Variants in EYS observed in about 807,000 individuals in gnomAD.
The protein encoded by EYS is EGF-like photoreceptor maintenance factor.
Under a neutral mutation model 282.1 loss-of-function variants are expected in EYS, and 250 were observed. The ratio of observed to expected loss-of-function variants is 0.89; its 90% CI spans 0.80 to 0.98. The LOEUF (loss-of-function observed/expected upper bound fraction) is 0.98, where lower values mean the gene tolerates loss of function less well. EYS is among the 50% of genes least tolerant of loss of function. The probability of loss-of-function intolerance (pLI) is 0.00; values close to 1 mark genes in which losing one functional copy is unlikely to be tolerated. For synonymous variants in EYS, 1,355 were observed against 1,282.9 expected, an observed-to-expected ratio of 1.06 and a Z score of -1.20; for missense variants, 4,016 against 3,709.0, an observed-to-expected ratio of 1.08 and a Z score of -2.15.
chr6:64,594,338 A>G (rs1766506637), intron 24 of EYS, among the ~76,000 whole-genome samples: 1 of 152,148 alleles, frequency 6.6e-6, no homozygotes, highest in South Asian at 2.1e-4. Context: ...GCTGCAATAA[A>G]CATACGTGTG....
intron 1 of EYS, among the ~76,000 whole-genome samples, chr6:65,704,733 A>G (rs1467875317): frequency 1.3e-5 from 2 of 152,202 alleles, no homozygotes; most frequent in African/African-American, 4.8e-5. Flanking sequence ...TATTTTGATC[A>G]TTAGAAAATG....
chr6:64,413,250 G>C (rs995578038), intron 28 of EYS, among the ~76,000 whole-genome samples: 5 of 152,028 alleles, frequency 3.3e-5, no homozygotes, highest in African/African-American at 1.2e-4. Context: ...GCCTTCTACA[G>C]AGCTCCAAGA....
In EYS at chr6:64,686,868, C is replaced by CACACACATATATAT. The variant is rs1394806901; in HGVS notation, c.3444-60624_3444-60623insATATATATGTGTGT. On this transcript the variant is annotated intron_variant, in intron 22 of 42. Coordinates refer to ENST00000503581, the MANE Select transcript of EYS (RefSeq NM_001142800.2). ...ATATATATATATGTGTATATATATA[C>CACACACATATATAT]GTGTATATATATATACACACACATA... 8.7e-5 allele frequency among the ~76,000 whole-genome samples: 7 copies of CACACACATATATAT among 80,286 alleles called. 1 individual carries two copies. The highest frequency in any genetic ancestry group is 4.0e-4 in the African/African-American group (7 of 17,576). The allele number at this position is 80,286 out of a possible 152,430, so 52.7% of individuals were successfully genotyped here.
chr6:65,143,289 G>C (rs1046867526), intron 12 of EYS, among the ~76,000 whole-genome samples: 1 of 151,430 alleles, frequency 6.6e-6, no homozygotes, highest in African/African-American at 2.4e-5. Flanking sequence ...ACAGGATATA[G>C]TATATTACTG....
At position 63,957,655 on chromosome 6, in the gene EYS, G is replaced by T. The variant is rs1765882120; in HGVS notation, c.7055+26728C>A. ...AATCTGAAAAATCATTTATGCTACA[G>T]CGCCTAAAAGTTAAAGAAAAATCCT... On this transcript the variant is annotated intron_variant, in intron 35 of 42. Coordinates refer to ENST00000503581, the MANE Select transcript of EYS (RefSeq NM_001142800.2). 1.4e-5 allele frequency among the ~76,000 whole-genome samples: 2 copies of T among 140,362 alleles called. 1 individual carries two copies. The highest frequency in any genetic ancestry group is 3.2e-5 in the Non-Finnish European group (2 of 61,840). The allele number at this position is 140,362 out of a possible 152,430, so 92.1% of individuals were successfully genotyped here.
intron 29 of EYS, among the ~76,000 whole-genome samples, chr6:64,315,238 C>A (rs1322920490): frequency 6.6e-6 from 1 of 151,954 alleles, no homozygotes; most frequent in Admixed American, 6.6e-5. Flanking sequence ...GATGTCAAAT[C>A]CCTGAATAAT....
intron 40 of EYS, among the ~76,000 whole-genome samples, chr6:63,772,661 T>G (rs1317018006): frequency 6.6e-6 from 1 of 152,156 alleles, no homozygotes; most frequent in Non-Finnish European, 1.5e-5. Context: ...TGCTACCAAC[T>G]TGAAGTACAG....
intron 1 of EYS, among the ~76,000 whole-genome samples, chr6:65,663,987 T>C (rs1768112324): frequency 6.8e-6 from 1 of 147,382 alleles, no homozygotes; most frequent in Admixed American, 6.8e-5. Context: ...TTCTCCTGCC[T>C]CAGTCCCCAG....
intron 12 of EYS, among the ~76,000 whole-genome samples, chr6:65,278,057 C>CTTTTCTTTTCTT (rs1562067588): frequency 1.4e-5 from 2 of 145,022 alleles, no homozygotes; most frequent in African/African-American, 2.6e-5. Context: ...CTTTTCTTTT[C>CTTTTCTTTTCTT]TTTTTTTCTG....
chr6:64,861,077 A>G (rs1476386805), intron 19 of EYS, among the ~76,000 whole-genome samples: 1 of 152,150 alleles, frequency 6.6e-6, no homozygotes, highest in Non-Finnish European at 1.5e-5. Context: ...GTGGGGCTTC[A>G]CTGGGTACCT....
chr6:63,974,259 G>T lies in EYS; in HGVS notation c.7055+10124C>A, dbSNP rs887993934. The stretch of plus-strand genomic sequence containing the variant: ...TGGTGCATGAATTCAATCTATAAGT[G>T]GTCAAAAATAAATGCTTCTATTTAC... On this transcript the variant is annotated intron_variant, in intron 35 of 42. Transcript: ENST00000503581. Among the ~76,000 whole-genome samples, 5 of 151,862 alleles carry T rather than the reference G, an allele frequency of 3.3e-5. No homozygotes were observed. The South Asian group carries it at 1.0e-3, about 32-fold the overall frequency.
chr6:65,573,111 A>C (rs749371678), intron 2 of EYS, among the ~76,000 whole-genome samples: 3 of 152,158 alleles, frequency 2.0e-5, no homozygotes, highest in Non-Finnish European at 4.4e-5. Flanking sequence ...GAGTGATGTC[A>C]CAAAGATTGC....
At chr6:65,466,392 T>G (rs1260782502) in intron 5 of EYS, among the ~76,000 whole-genome samples, 1 of 152,022 alleles carries the variant, frequency 6.6e-6, no homozygotes, top group Non-Finnish European at 1.5e-5. Flanking sequence ...CAAAATAAAA[T>G]ATAATATGTA....
At chr6:65,500,361 A>G (rs950470244) in intron 2 of EYS, among the ~76,000 whole-genome samples, 7 of 152,028 alleles carry the variant, frequency 4.6e-5, no homozygotes, top group African/African-American at 1.7e-4. Flanking sequence ...GTTAAGAAAA[A>G]CAAAGAAAAG....
At chr6:65,668,965 G>C (rs868820143) in intron 1 of EYS, among the ~76,000 whole-genome samples, 5 of 152,000 alleles carry the variant, frequency 3.3e-5, no homozygotes, top group Middle Eastern at 3.4e-3. Flanking sequence ...GCAATTTGTT[G>C]CCCATAGCTA....
At chr6:65,464,986 A>C (rs1764948660) in intron 5 of EYS, among the ~76,000 whole-genome samples, 1 of 152,222 alleles carries the variant, frequency 6.6e-6, no homozygotes, top group Non-Finnish European at 1.5e-5. Context: ...AAAAACAAAC[A>C]GCAATATTTA....
intron 13 of EYS, among the ~76,000 whole-genome samples, chr6:65,017,157 C>T (rs1241303391): frequency 6.6e-6 from 1 of 152,096 alleles, no homozygotes; most frequent in Non-Finnish European, 1.5e-5. Context: ...ATTAGTGAGA[C>T]AGAAAGCAAT....
At chr6:65,092,844 G>A (rs982059372) in intron 12 of EYS, among the ~76,000 whole-genome samples, 5 of 152,054 alleles carry the variant, frequency 3.3e-5, no homozygotes, top group Admixed American at 6.6e-5. Context: ...AAACCATCAA[G>A]TGAACCAATA....
Position 65,498,394 on chromosome 6 carries a change from C to A in EYS, c.-332-2401G>T, listed in dbSNP as rs113914193. ...AAAGGATACACTAAAGATTAAATAGCAAATGAGTTAAACACAGTCACAAAT... is the reference window on the plus strand; with the variant it reads ...AAAGGATACACTAAAGATTAAATAGAAAATGAGTTAAACACAGTCACAAAT... On this transcript the variant is annotated intron_variant, in intron 2 of 42. Coordinates refer to ENST00000503581, the MANE Select transcript of EYS (RefSeq NM_001142800.2). Among the ~76,000 whole-genome samples, 851 of 152,114 alleles carry A rather than the reference C, an allele frequency of 5.6e-3. 11 individuals carry two copies. Among genetic ancestry groups the A allele is most frequent in the African/African-American group, 0.019 (800 of 41,558 alleles).
Sources: allele counts gnomAD v4.1 joint callset (sites outside exome capture counted in the v4.1 genomes callset), GRCh38; gene constraint gnomAD v4.1.1; transcripts MANE v1.5; gene names NCBI Gene and HGNC (gene_info 2026-07-23, HGNC 2026-07-21).